The following RPS6KC1 variants were observed in gnomAD, a reference collection of about 807,000 sequenced individuals.
RPS6KC1 encodes the protein ribosomal protein S6 kinase C1.
In RPS6KC1, 54 loss-of-function variants were observed where a neutral mutation model predicts 103.8. The ratio of observed to expected loss-of-function variants is 0.52; its 90% CI spans 0.42 to 0.65. RPS6KC1 has a LOEUF of 0.65. Among genes scored for constraint, RPS6KC1 ranks in the 30% least tolerant of loss-of-function variants. The pLI is 0.00. For synonymous variants in RPS6KC1, 439 were observed against 438.7 expected, an observed-to-expected ratio of 1.00 and a Z score of -0.01; for missense variants, 1,151 against 1,253.8, an observed-to-expected ratio of 0.92 and a Z score of 1.24.
the RPS6KC1 span, among the ~76,000 whole-genome samples, chr1:213,417,887 A>T: frequency 6.6e-6 from 1 of 152,152 alleles, no homozygotes; most frequent in Non-Finnish European, 1.5e-5. Context: ...TAACTTTTCC[A>T]TGAGGCAGGT....
intron 14 of RPS6KC1, among the ~76,000 whole-genome samples, chr1:213,268,502 G>A (rs1159670615): frequency 6.7e-6 from 1 of 150,196 alleles, no homozygotes; most frequent in African/African-American, 2.4e-5. Context: ...ACTGAAAATT[G>A]TAGATATGAG....
At chr1:213,153,123 G>T (rs897584043) in intron 6 of RPS6KC1, among the ~76,000 whole-genome samples, 1 of 152,218 alleles carries the variant, frequency 6.6e-6, no homozygotes, top group African/African-American at 2.4e-5. Context: ...CAGGCACTCG[G>T]CAGGCTGAGT....
chr1:213,341,885 C>T, the RPS6KC1 span, among the ~76,000 whole-genome samples: 6 of 152,298 alleles, frequency 3.9e-5, no homozygotes, highest in African/African-American at 9.6e-5. Context: ...TGGCAATCAT[C>T]GTATCTACTT....
the RPS6KC1 span, among the ~76,000 whole-genome samples, chr1:213,287,994 A>G: frequency 2.0e-5 from 3 of 152,208 alleles, no homozygotes; most frequent in African/African-American, 7.2e-5. Flanking sequence ...TAAATGAACC[A>G]GAGTGCTCCT....
chr1:213,773,312 C>G, the RPS6KC1 span, among the ~76,000 whole-genome samples: 1 of 151,500 alleles, frequency 6.6e-6, no homozygotes, highest in Admixed American at 6.6e-5. Flanking sequence ...TCCTTCTCAC[C>G]GCGCACCCCC....
the RPS6KC1 span, among the ~76,000 whole-genome samples, chr1:213,434,150 T>C: frequency 6.6e-6 from 1 of 151,976 alleles, no homozygotes; most frequent in East Asian, 1.9e-4. Flanking sequence ...ACATTTATAC[T>C]GTTCTCCCAT....
chr1:213,373,549 A>G, the RPS6KC1 span, among the ~76,000 whole-genome samples: 3 of 152,250 alleles, frequency 2.0e-5, no homozygotes, highest in African/African-American at 7.2e-5. Context: ...AAACCCATCC[A>G]TAAGTAACCT....
chr1:213,635,039 C>A, the RPS6KC1 span, among the ~76,000 whole-genome samples: 16 of 152,196 alleles, frequency 1.1e-4, no homozygotes, highest in Admixed American at 9.8e-4. Flanking sequence ...GGATAAATTC[C>A]CGGACACATA....
chr1:213,220,528 G>C (rs1255638125), intron 8 of RPS6KC1, among the ~76,000 whole-genome samples: 1 of 152,150 alleles, frequency 6.6e-6, no homozygotes, highest in African/African-American at 2.4e-5. Context: ...GTTTCACCAT[G>C]TTGGTCAGGC....
At chr1:213,135,650 C>G (rs561517212) in intron 6 of RPS6KC1, among the ~76,000 whole-genome samples, 1 of 152,110 alleles carries the variant, frequency 6.6e-6, no homozygotes, top group Admixed American at 6.6e-5. Flanking sequence ...CATTTTAAAA[C>G]AGTCTAATTA....
At chr1:213,297,270 C>T in the RPS6KC1 span, among the ~76,000 whole-genome samples, 2 of 152,138 alleles carry the variant, frequency 1.3e-5, no homozygotes, top group African/African-American at 2.4e-5. Flanking sequence ...TGACTGAATA[C>T]GGGTCTGCAT....
At chr1:213,230,191 A>T (rs2094058112) in intron 8 of RPS6KC1, among the ~76,000 whole-genome samples, 1 of 152,216 alleles carries the variant, frequency 6.6e-6, no homozygotes, top group Non-Finnish European at 1.5e-5. Flanking sequence ...ATATGTTCCA[A>T]GAGGAAAAAC....
chr1:213,735,258 G>C, the RPS6KC1 span, among the ~76,000 whole-genome samples: 1 of 152,190 alleles, frequency 6.6e-6, no homozygotes, highest in Admixed American at 6.5e-5. Context: ...TGGCAATGTT[G>C]CTCCTAAGCT....
At chr1:213,558,620 G>A in the RPS6KC1 span, among the ~76,000 whole-genome samples, 5 of 152,116 alleles carry the variant, frequency 3.3e-5, no homozygotes, top group African/African-American at 7.2e-5. Flanking sequence ...TGGAAATCAC[G>A]CACTGTTAAA....
At chr1:213,781,574 C>T in the RPS6KC1 span, among the ~76,000 whole-genome samples, 19 of 152,190 alleles carry the variant, frequency 1.2e-4, no homozygotes, top group Admixed American at 3.3e-4. Context: ...TAATATGATC[C>T]GTTAAGAGAA....
At chr1:213,252,614 A>G (rs770305468) in intron 12 of RPS6KC1, among the ~76,000 whole-genome samples, 12 of 152,152 alleles carry the variant, frequency 7.9e-5, no homozygotes, top group Non-Finnish European at 1.8e-4. Flanking sequence ...TTTGATCCTG[A>G]AAGTTAATAT....
At chr1:213,488,826 C>T in the RPS6KC1 span, among the ~76,000 whole-genome samples, 1 of 152,226 alleles carries the variant, frequency 6.6e-6, no homozygotes, top group Non-Finnish European at 1.5e-5. Flanking sequence ...TAACACTTTA[C>T]TCGCCTTAGA....
intron 5 of RPS6KC1, among the ~76,000 whole-genome samples, chr1:213,118,036 A>AAAAAAAAAAAAAAAAAAAAAAAAAAAC (rs1346024870): frequency 6.7e-6 from 1 of 149,200 alleles, no homozygotes; most frequent in African/African-American, 2.5e-5. Flanking sequence ...AAAAAAAAAA[A>AAAAAAAAAAAAAAAAAAAAAAAAAAAC]AAAGCCTTAC....
chr1:213,361,588 C>T, the RPS6KC1 span, among the ~76,000 whole-genome samples: 12 of 152,218 alleles, frequency 7.9e-5, no homozygotes, highest in South Asian at 2.1e-4. Flanking sequence ...GAGATGAACC[C>T]GGTACCTCAA....
Sources: allele counts gnomAD v4.1 joint callset (sites outside exome capture counted in the v4.1 genomes callset), GRCh38; gene constraint gnomAD v4.1.1; transcripts MANE v1.5; gene names NCBI Gene and HGNC (gene_info 2026-07-23, HGNC 2026-07-21).